UNC93A: variants seen among roughly 807,000 people sequenced by gnomAD.
UNC93A encodes unc-93 homolog A.
Under a neutral mutation model 47.5 loss-of-function variants are expected in UNC93A, and 43 were observed. The ratio of observed to expected loss-of-function variants is 0.91; its 90% CI spans 0.71 to 1.17. UNC93A has a LOEUF of 1.17. Among genes scored for constraint, UNC93A ranks in the 50% most tolerant of loss-of-function variants. UNC93A has a pLI of 0.00. For synonymous variants in UNC93A, 280 were observed against 258.0 expected, an observed-to-expected ratio of 1.09 and a Z score of -0.82; for missense variants, 605 against 577.6, an observed-to-expected ratio of 1.05 and a Z score of -0.49.
chr6:167,280,631 G>T (rs1056583139), intron 1 of UNC93A, among the ~76,000 whole-genome samples: 1 of 152,186 alleles, frequency 6.6e-6, no homozygotes. Flanking sequence ...AGCTGGAGTG[G>T]CTCCCTTTGT....
rs535706251 is a variant in UNC93A, at chr6:167,299,322, C to T, written c.625+1252C>T. Among the ~76,000 whole-genome samples the T allele has an allele frequency of 1.4e-4, 21 of 152,110 alleles. No homozygotes were observed. The East Asian group carries it at 2.1e-3, about 15-fold the overall frequency. ...CTGTGAGCTCTGGGGGTACCAACTCCTGCACTCTGCCGGGGTCAGAGGTGA... is the reference window on the plus strand; with the variant it reads ...CTGTGAGCTCTGGGGGTACCAACTCTTGCACTCTGCCGGGGTCAGAGGTGA... On this transcript the variant is annotated intron_variant, in intron 4 of 7. Coordinates refer to ENST00000230256, the MANE Select transcript of UNC93A (RefSeq NM_018974.4).
chr6:167,308,139 G>A (rs1323131300), intron 7 of UNC93A, among the ~76,000 whole-genome samples: 4 of 152,168 alleles, frequency 2.6e-5, no homozygotes, highest in Admixed American at 6.5e-5. Flanking sequence ...GTTCCTTCTG[G>A]GCACCATTCC....
intron 1 of UNC93A, chr6:167,271,607 C>A (rs1285791562): frequency 6.6e-6 from 1 of 152,104 alleles, no homozygotes; most frequent in Non-Finnish European, 1.5e-5. Flanking sequence ...ATAAGTGGGA[C>A]ACACATATGG....
At chr6:167,284,451 T>G (rs996290101) in intron 1 of UNC93A, among the ~76,000 whole-genome samples, 47 of 152,234 alleles carry the variant, frequency 3.1e-4, no homozygotes, top group Non-Finnish European at 5.4e-4. Flanking sequence ...TAAAAACAAC[T>G]TCCGAACATC....
At chr6:167,293,621 C>T (rs1443148017) in intron 1 of UNC93A, among the ~76,000 whole-genome samples, 1 of 152,188 alleles carries the variant, frequency 6.6e-6, no homozygotes, top group African/African-American at 2.4e-5. Context: ...TCTCAGGCCC[C>T]AACAAGGCAC....
chr6:167,303,363 C>T (rs768759163), intron 4 of UNC93A, among the ~76,000 whole-genome samples: 7 of 152,076 alleles, frequency 4.6e-5, no homozygotes, highest in African/African-American at 1.4e-4. Context: ...TTTTCCCATC[C>T]GTGTATAAAG....
chr6:167,279,418 A>G (rs144204257), intron 1 of UNC93A, among the ~76,000 whole-genome samples: 7 of 152,320 alleles, frequency 4.6e-5, no homozygotes, highest in Non-Finnish European at 5.9e-5. Flanking sequence ...ACAGGTTCTA[A>G]CATCTGCCTA....
rs376123637 is a variant in UNC93A, at chr6:167,284,507, C to T, written c.-51-6932C>T. Among the ~76,000 whole-genome samples the T allele has an allele frequency of 2.5e-4, 38 of 152,382 alleles. No homozygotes were observed. In the East Asian group the frequency reaches 5.6e-3, roughly 22 times the overall value. ...GACAGAGGAGAGGAGGACTAGAAAG[C>T]GAAGGCCAGGCATGCCCATCCTCTC... On this transcript the variant is annotated intron_variant, in intron 1 of 3. Transcript: ENST00000503433.
chr6:167,282,726 C>T (rs1209458907), intron 1 of UNC93A, among the ~76,000 whole-genome samples: 1 of 152,154 alleles, frequency 6.6e-6, no homozygotes, highest in Non-Finnish European at 1.5e-5. Context: ...TGATCCAGGA[C>T]ACAGATCCTG....
In UNC93A at chr6:167,296,258, C is replaced by A. The variant is rs774391259; in HGVS notation, c.496C>A (p.Gln166Lys). Residue 166 changes from glutamine to lysine, a missense_variant, in exon 3 of 8, where the codon CAA (glutamine) becomes AAA (lysine). By Grantham distance (53) the Gln-to-Lys change is moderately conservative (BLOSUM62 1). Coordinates refer to ENST00000230256, the MANE Select transcript of UNC93A (RefSeq NM_018974.4). ...SSLVFGQTPS[Q>K]ETLPEEQLTS... ...GCTGGTATTTGGCCAGACTCCCAGCCAAGGTAAAAGGAAAAGGGGCAAGCA... is the reference window on the plus strand; with the variant it reads ...GCTGGTATTTGGCCAGACTCCCAGCAAAGGTAAAAGGAAAAGGGGCAAGCA... 1.1e-5 allele frequency: 18 copies of A among 1,613,986 alleles called. No homozygotes were observed. Among genetic ancestry groups the A allele is most frequent in the Admixed American group, 1.7e-5 (1 of 60,004 alleles).
intron 5 of UNC93A, among the ~76,000 whole-genome samples, chr6:167,304,838 G>A (rs1778337239): frequency 6.6e-6 from 1 of 152,174 alleles, no homozygotes; most frequent in African/African-American, 2.4e-5. Context: ...CCAAAGTGCT[G>A]GGATTACAGG....
chr6:167,307,905 AC>A lies in UNC93A; in HGVS notation c.1104del (p.Asn368LysfsTer51). On this transcript the variant is annotated frameshift_variant, in exon 7 of 8. Coordinates refer to ENST00000230256, the MANE Select transcript of UNC93A (RefSeq NM_018974.4). LOFTEE classifies it high-confidence loss of function. The stretch of plus-strand genomic sequence containing the variant: ...GCAGATGCCGTCTGGCAGACACAAA[AC>A]AATGGTGAGTCCCCAGCCCAGGCCC... ...GVADAVWQTQ[N>X]NALYGVLFEK... 1 of 1,613,402 alleles carries A rather than the reference AC, an allele frequency of 6.2e-7. No homozygotes were observed. The highest frequency in any genetic ancestry group is 1.1e-5 in the South Asian group (1 of 91,070).
chr6:167,295,275 G>C (rs371689463), intron 2 of UNC93A, among the ~76,000 whole-genome samples: 45 of 152,360 alleles, frequency 3.0e-4, no homozygotes, highest in African/African-American at 8.2e-4. Context: ...TGCTGCTGAT[G>C]ATGGCTGCAA....
chr6:167,293,855 C>G (rs1777965445), intron 1 of UNC93A, among the ~76,000 whole-genome samples: 1 of 152,170 alleles, frequency 6.6e-6, no homozygotes, highest in African/African-American at 2.4e-5. Flanking sequence ...TTGGAGGTCA[C>G]CTCCTTCTCC....
At chr6:167,301,513 T>C (rs188503375) in intron 4 of UNC93A, among the ~76,000 whole-genome samples, 121 of 152,270 alleles carry the variant, frequency 7.9e-4, no homozygotes, top group Non-Finnish European at 1.1e-3. Context: ...AGCATTGCAT[T>C]CATAGTCAAG....
chr6:167,290,103 C>T (rs768473092), upstream of UNC93A, among the ~76,000 whole-genome samples: 9 of 152,144 alleles, frequency 5.9e-5, no homozygotes, highest in Non-Finnish European at 8.8e-5. Flanking sequence ...GAAACAGGTT[C>T]GGTGACTCAG....
Position 167,291,342 on chromosome 6 carries a change from A to G in UNC93A, c.-148A>G. On this transcript the variant is annotated 5_prime_UTR_variant, in exon 1 of 8. Transcript: ENST00000230256. ...TAACGAGTGACAGTCTTAATGACTA[A>G]CACACCTCTAACATTTCACCTCTAG... is the stretch of plus-strand genomic sequence containing the variant. 2 of 612,910 alleles carry G rather than the reference A, an allele frequency of 3.3e-6. No individual in the cohort carries two copies. Among genetic ancestry groups the G allele is most frequent in the East Asian group, 5.8e-5 (2 of 34,566 alleles). The allele number at this position is 612,910 out of a possible 1,614,324, so 38.0% of individuals were successfully genotyped here.
At chr6:167,298,866 C>T (rs1413549483) in intron 4 of UNC93A, among the ~76,000 whole-genome samples, 1 of 151,500 alleles carries the variant, frequency 6.6e-6, no homozygotes, top group African/African-American at 2.4e-5. Context: ...GTAATCTCAG[C>T]ACTTTGGGAG....
intron 4 of UNC93A, among the ~76,000 whole-genome samples, chr6:167,302,561 G>C (rs932847752): frequency 4.6e-5 from 7 of 152,200 alleles, no homozygotes; most frequent in Non-Finnish European, 8.8e-5. Context: ...GGGACGAAAG[G>C]GCTTCTAGTA....
Sources: gnomAD v4.1 joint callset for allele counts (sites outside exome capture counted in the v4.1 genomes callset) on GRCh38, gnomAD v4.1.1 for gene constraint, MANE v1.5 for transcripts, NCBI Gene and HGNC (gene_info 2026-07-23, HGNC 2026-07-21) for gene names.